Variants in CC2D2B observed in about 807,000 individuals in gnomAD.
CC2D2B encodes the protein protein CC2D2B.
In CC2D2B, 128 loss-of-function variants were observed where a neutral mutation model predicts 161.2. That is an observed-to-expected ratio of 0.79 (90% CI 0.69 to 0.92). CC2D2B has a LOEUF of 0.92. Among genes scored for constraint, CC2D2B ranks in the 40% least tolerant of loss-of-function variants. CC2D2B has a pLI of 0.00. For missense variants in CC2D2B, 1,173 were observed against 1,375.1 expected, an observed-to-expected ratio of 0.85 and a Z score of 2.32; for synonymous variants, 391 against 449.8, an observed-to-expected ratio of 0.87 and a Z score of 1.65.
intron 6 of CC2D2B, among the ~76,000 whole-genome samples, chr10:95,936,367 GA>G (rs1225272949): frequency 2.6e-5 from 4 of 152,206 alleles, no homozygotes; most frequent in Non-Finnish European, 5.9e-5. Context: ...CCTGCTGGGA[GA>G]AAGGGGAGCC....
chr10:96,024,792 G>A (rs2079621848), intron 32 of CC2D2B, 61 bp from the exon 33 acceptor site: 5 of 966,892 alleles, frequency 5.2e-6, no homozygotes, highest in Non-Finnish European at 7.9e-6. Flanking sequence ...GGCATTCCAG[G>A]AGTGACTGTG....
Position 95,995,363 on chromosome 10 carries a change from G to A in CC2D2B, c.2737G>A (p.Glu913Lys), listed in dbSNP as rs750888491. The change falls in exon 23 of 35, where the codon GAG becomes AAG. Residue 913 changes from glutamate to lysine, a missense_variant and splice_region_variant. Glu to Lys is a moderately conservative substitution (Grantham distance 56). Transcript: ENST00000646931. Reference sequence around the variant, plus strand: ...AGTAGCCTCAGATGAGACCTTACATGAGGTAAGTATTTAACACTTCTATAA... The same window carrying A: ...AGTAGCCTCAGATGAGACCTTACATAAGGTAAGTATTTAACACTTCTATAA... ...KSVASDETLHEDTVHPFVEVS... is the reference protein window; with the variant it reads ...KSVASDETLHKDTVHPFVEVS... 2.7e-6 allele frequency: 4 copies of A among 1,466,074 alleles called. No homozygotes were observed. The South Asian group carries it at 5.0e-5, about 18-fold the overall frequency. 90.8% of individuals were successfully genotyped at this position (1,466,074 alleles called of 1,614,324 possible).
chr10:96,004,031 GT>G (rs2078641838), intron 24 of CC2D2B, 120 bp from the exon 25 acceptor site: 1 of 620,688 alleles, frequency 1.6e-6, no homozygotes, highest in Non-Finnish European at 2.7e-6. Context: ...CTTTTTCTTA[GT>G]TTATACTTCA....
Position 95,988,251 on chromosome 10 carries a change from A to G in CC2D2B, c.2288A>G (p.Glu763Gly), listed in dbSNP as rs2077808834. 2.6e-6 allele frequency: 3 copies of G among 1,174,034 alleles called. No homozygotes were observed. Among genetic ancestry groups the G allele is most frequent in the Non-Finnish European group, 3.2e-6 (3 of 933,724 alleles). 72.7% of individuals were successfully genotyped at this position (1,174,034 alleles called of 1,614,324 possible). ...TGAAACTAACAATTCTGTATTTAGGAGTATGAAAGTCAGAAAGAGAAGGAG... is the reference window on the plus strand; with the variant it reads ...TGAAACTAACAATTCTGTATTTAGGGGTATGAAAGTCAGAAAGAGAAGGAG... The part of the protein sequence containing the change: ...DTEIPDLVFQ[E>G]YESQKEKEVS... The change falls in exon 20 of 35, where the codon GAG becomes GGG. Residue 763 changes from glutamate to glycine, a missense_variant and splice_region_variant. Around this residue, in one of 3 missense-constraint regions of CC2D2B, gnomAD observed 277 missense variants for 420.6 expected, o/e 0.66. Coordinates refer to ENST00000646931, the MANE Select transcript of CC2D2B (RefSeq NM_001349008.3).
At chr10:96,016,919 A>T (rs966242884) in intron 30 of CC2D2B, among the ~76,000 whole-genome samples, 2 of 152,030 alleles carry the variant, frequency 1.3e-5, no homozygotes, top group Non-Finnish European at 2.9e-5. Context: ...GGGTTTCATC[A>T]TGTTGGCCAG....
rs1019100729 is a variant in CC2D2B at position 95,957,868 on chromosome 10, A to T, written c.1109+2377A>T. Among the ~76,000 whole-genome samples, 32 of 138,716 alleles carry T rather than the reference A, an allele frequency of 2.3e-4. 2 individuals are homozygous for T. The highest frequency in any genetic ancestry group is 1.6e-3 in the Admixed American group (22 of 14,082). The allele number at this position is 138,716 out of a possible 152,430, so 91.0% of individuals were successfully genotyped here. On this transcript the variant is annotated intron_variant, in intron 11 of 34. Coordinates refer to ENST00000646931, the MANE Select transcript of CC2D2B (RefSeq NM_001349008.3). ...GAGCCACCACACCTGGCCATGATTT[A>T]AAAAAAAAAAAATAACAATAACAAA...
At chr10:95,995,643 T>C (rs1237874330) in intron 23 of CC2D2B, among the ~76,000 whole-genome samples, 2 of 152,264 alleles carry the variant, frequency 1.3e-5, no homozygotes, top group East Asian at 3.8e-4. Context: ...CCCATAGGCA[T>C]ATCATGCTAC....
intron 6 of CC2D2B, among the ~76,000 whole-genome samples, chr10:95,936,624 C>G (rs549278603): frequency 6.6e-6 from 1 of 152,106 alleles, no homozygotes; most frequent in South Asian, 2.1e-4. Context: ...TAGTGAAGAC[C>G]AAGAAAGTGA....
chr10:96,025,477 C>A (rs1243407748), intron 33 of CC2D2B, among the ~76,000 whole-genome samples: 1 of 150,816 alleles, frequency 6.6e-6, no homozygotes, highest in Non-Finnish European at 1.5e-5. Flanking sequence ...ACTAAGTTAA[C>A]TCTGGAAACA....
rs764040294 is a variant in CC2D2B, at chr10:95,924,255, ATTG to A, written c.98-53_98-51del. 1.0e-4 allele frequency: 86 copies of A among 844,718 alleles called. 1 individual carries two copies. The highest frequency in any genetic ancestry group is 6.8e-4 in the South Asian group (36 of 52,574). The allele number at this position is 844,718 out of a possible 1,614,324, so 52.3% of individuals were successfully genotyped here. A position where few individuals can be genotyped will look rare whatever the true frequency, so the allele number is the denominator to read the frequency against. On this transcript the variant is annotated intron_variant, in intron 3 of 34. Coordinates refer to ENST00000646931, the MANE Select transcript of CC2D2B (RefSeq NM_001349008.3). ...GAATTTAATAAATACTTTTGCTGCT[ATTG>A]TTGTTTAATTATAATAAAGTGTCAT...
intron 11 of CC2D2B, among the ~76,000 whole-genome samples, chr10:95,957,882 A>T (rs2076625413): frequency 6.6e-6 from 1 of 151,248 alleles, no homozygotes; most frequent in African/African-American, 2.4e-5. Context: ...AAAAAAAAAT[A>T]ACAATAACAA....
chr10:96,020,205 A>G lies in CC2D2B; in HGVS notation c.3888+381A>G, dbSNP rs539627455. Reference sequence around the variant, plus strand: ...CAAAAAGCTTTCTGGACTCCCAACCATGATAGTTGTCTCACGGAATAGAAA... The same window carrying G: ...CAAAAAGCTTTCTGGACTCCCAACCGTGATAGTTGTCTCACGGAATAGAAA... On this transcript the variant is annotated intron_variant, in intron 32 of 34. Transcript: ENST00000646931. 228 of 163,698 alleles carry G rather than the reference A, an allele frequency of 1.4e-3. 1 individual carries two copies. Among genetic ancestry groups the G allele is most frequent in the Middle Eastern group, 6.0e-3 (2 of 336 alleles). The allele number at this position is 163,698 out of a possible 1,614,324, so 10.1% of individuals were successfully genotyped here. A position where few individuals can be genotyped will look rare whatever the true frequency, so the allele number is the denominator to read the frequency against.
intron 3 of CC2D2B, among the ~76,000 whole-genome samples, chr10:95,922,581 G>A (rs114569453): frequency 6.6e-6 from 1 of 152,156 alleles, no homozygotes; most frequent in Non-Finnish European, 1.5e-5. Flanking sequence ...TAGTTATTTA[G>A]CTTTATGCTT....
intron 19 of CC2D2B, among the ~76,000 whole-genome samples, chr10:95,985,019 A>G (rs1050866368): frequency 1.3e-5 from 2 of 152,254 alleles, no homozygotes; most frequent in Non-Finnish European, 2.9e-5. Flanking sequence ...ATGTAATTTA[A>G]CAAATATATC....
rs1379195583 is a variant in CC2D2B at position 95,993,658 on chromosome 10, T to C, written c.2642+961T>C. ...ATAAAGACATATAAAATCACCACCA[T>C]TTTCTATAAGCATCATGCTGCTAAA... On this transcript the variant is annotated intron_variant, in intron 22 of 34. Transcript: ENST00000646931. Among the ~76,000 whole-genome samples the C allele has an allele frequency of 2.0e-5, 3 of 149,908 alleles. No individual in the cohort carries two copies. The East Asian group carries it at 5.8e-4, about 29-fold the overall frequency.
At chr10:95,988,430 G>C (rs1168779148) in intron 20 of CC2D2B, 88 bp downstream of exon 20, 1 of 515,840 alleles carries the variant, frequency 1.9e-6, no homozygotes, top group Non-Finnish European at 3.0e-6. Context: ...CTTCCAGAGA[G>C]TCAGATGGAC....
At chr10:95,971,347 C>T (rs570715596) in intron 15 of CC2D2B, among the ~76,000 whole-genome samples, 21 of 149,976 alleles carry the variant, frequency 1.4e-4, no homozygotes, top group African/African-American at 4.9e-4. Context: ...AGTGATTGCA[C>T]CACTACAATC....
Position 96,012,318 on chromosome 10 carries a change from C to T in CC2D2B, c.3179C>T (p.Thr1060Ile). The T allele has an allele frequency of 1.4e-6, 1 of 708,146 alleles. No individual in the cohort carries two copies. The highest frequency in any genetic ancestry group is 1.5e-5 in the South Asian group (1 of 65,466). 43.9% of individuals were successfully genotyped at this position (708,146 alleles called of 1,614,324 possible). Residue 1060 changes from threonine (T) to isoleucine (I), a missense_variant, in exon 27 of 35, where the codon ACC becomes ATC. Physicochemically the swap from Thr to Ile is moderately conservative, Grantham distance 89 (BLOSUM62 -1). Coordinates refer to ENST00000646931, the MANE Select transcript of CC2D2B (RefSeq NM_001349008.3). ...TGTACATTCTTAAATATTTTTGCTA[C>T]CATTGAACCTCAAATATCATATGTC... is the stretch of plus-strand genomic sequence containing the variant. ...KECTFLNIFATIEPQISYVTC... is the reference protein window; with the variant it reads ...KECTFLNIFAIIEPQISYVTC...
intron 12 of CC2D2B, among the ~76,000 whole-genome samples, chr10:95,963,307 G>A (rs1204498460): frequency 6.6e-6 from 1 of 152,082 alleles, no homozygotes; most frequent in African/African-American, 2.4e-5. Flanking sequence ...CAACATACCT[G>A]GTCCTTGTGA....
Sources: allele counts gnomAD v4.1 joint callset (sites outside exome capture counted in the v4.1 genomes callset), GRCh38; gene constraint gnomAD v4.1.1; regional missense constraint gnomAD v4.1.1; transcripts MANE v1.5; gene names NCBI Gene and HGNC (gene_info 2026-07-23, HGNC 2026-07-21).